The following GRID1 variants were observed in gnomAD, a reference collection of about 807,000 sequenced individuals.
GRID1 encodes glutamate ionotropic receptor delta type subunit 1.
In GRID1, 28 loss-of-function variants were observed where a neutral mutation model predicts 98.0. The ratio of observed to expected loss-of-function variants is 0.29; its 90% CI spans 0.21 to 0.39. The LOEUF (loss-of-function observed/expected upper bound fraction) is 0.39, where lower values mean the gene tolerates loss of function less well. Ranked by LOEUF, GRID1 falls within the 10% of genes least tolerant of loss-of-function variation. GRID1 has a pLI of 1.00. For missense variants in GRID1, 1,111 were observed against 1,340.5 expected, an observed-to-expected ratio of 0.83 and a Z score of 2.67; for synonymous variants, 553 against 538.5, an observed-to-expected ratio of 1.03 and a Z score of -0.37.
At chr10:85,621,260 G>A (rs1032580433) in intron 13 of GRID1, among the ~76,000 whole-genome samples, 2 of 152,106 alleles carry the variant, frequency 1.3e-5, no homozygotes, top group Non-Finnish European at 2.9e-5. Context: ...ACCAGATGAT[G>A]GGGGCCTCAT....
At chr10:85,703,936 A>AAG (rs1246576428) in intron 12 of GRID1, among the ~76,000 whole-genome samples, 1 of 152,030 alleles carries the variant, frequency 6.6e-6, no homozygotes, top group African/African-American at 2.4e-5. Flanking sequence ...TGGTGACAAA[A>AAG]TCTCTCAGCA....
intron 4 of GRID1, among the ~76,000 whole-genome samples, chr10:86,037,466 CA>C (rs1207888353): frequency 6.6e-6 from 1 of 152,170 alleles, no homozygotes; most frequent in Non-Finnish European, 1.5e-5. Flanking sequence ...CTACTTTATG[CA>C]AAGTGTTTAG....
intron 2 of GRID1, among the ~76,000 whole-genome samples, chr10:86,257,384 A>C (rs1171135489): frequency 6.6e-6 from 1 of 152,236 alleles, no homozygotes; most frequent in Non-Finnish European, 1.5e-5. Context: ...TGTGGGATAC[A>C]AAAAGATCTG....
intron 13 of GRID1, among the ~76,000 whole-genome samples, chr10:85,625,024 T>C (rs1278735221): frequency 2.0e-5 from 3 of 152,222 alleles, no homozygotes; most frequent in Admixed American, 6.5e-5. Flanking sequence ...TATATATGAA[T>C]ACTTAAGGAA....
chr10:85,648,716 C>T (rs1414625475), intron 12 of GRID1, among the ~76,000 whole-genome samples: 1 of 152,234 alleles, frequency 6.6e-6, no homozygotes, highest in East Asian at 1.9e-4. Context: ...TTATCTCCCT[C>T]CTCTAACAAC....
At chr10:85,961,061 C>T (rs1323458881) in intron 4 of GRID1, among the ~76,000 whole-genome samples, 1 of 152,038 alleles carries the variant, frequency 6.6e-6, no homozygotes, top group Admixed American at 6.6e-5. Flanking sequence ...TCTCAGGAGT[C>T]TCAGAAGTGG....
intron 8 of GRID1, among the ~76,000 whole-genome samples, chr10:85,774,563 C>T (rs1378796063): frequency 2.6e-5 from 4 of 151,772 alleles, no homozygotes; most frequent in South Asian, 4.2e-4. Flanking sequence ...AGAAAATTTT[C>T]GCAACCTACT....
At chr10:85,923,985 G>GAGTA (rs1470406374) in intron 4 of GRID1, among the ~76,000 whole-genome samples, 1 of 152,078 alleles carries the variant, frequency 6.6e-6, no homozygotes, top group Non-Finnish European at 1.5e-5. Context: ...TGCATATGGG[G>GAGTA]AGTAGCCTCT....
intron 8 of GRID1, among the ~76,000 whole-genome samples, chr10:85,842,334 G>A (rs1219882366): frequency 6.6e-6 from 1 of 152,094 alleles, no homozygotes; most frequent in African/African-American, 2.4e-5. Flanking sequence ...AGGATGGGAT[G>A]AGGGAGAAGA....
intron 4 of GRID1, among the ~76,000 whole-genome samples, chr10:86,128,049 C>A (rs1028708116): frequency 6.6e-6 from 1 of 152,126 alleles, no homozygotes; most frequent in Non-Finnish European, 1.5e-5. Context: ...AAGAGTTGGG[C>A]TCTGATTCTG....
Position 86,348,828 on chromosome 10 carries a change from A to T in GRID1, c.235+15113T>A, listed in dbSNP as rs543417662. ...AGACCTCGCTGTCCTGCCTTTAACAATGTTAATTTTCTTGGCAGGAGCTAA... is the reference window on the plus strand; with the variant it reads ...AGACCTCGCTGTCCTGCCTTTAACATTGTTAATTTTCTTGGCAGGAGCTAA... On this transcript the variant is annotated intron_variant, in intron 2 of 15. Coordinates refer to ENST00000327946, the MANE Select transcript of GRID1 (RefSeq NM_017551.3). Among the ~76,000 whole-genome samples the T allele has an allele frequency of 2.0e-4, 31 of 152,346 alleles. No individual in the cohort carries two copies. In the South Asian group the frequency reaches 6.2e-3, roughly 31 times the overall value.
intron 2 of GRID1, among the ~76,000 whole-genome samples, chr10:86,298,720 C>T (rs2132080011): frequency 6.6e-6 from 1 of 152,326 alleles, no homozygotes; most frequent in Middle Eastern, 3.4e-3. Context: ...CCCTACGGCA[C>T]CTGCAACTCT....
intron 12 of GRID1, among the ~76,000 whole-genome samples, chr10:85,658,791 A>T (rs1298533246): frequency 1.3e-5 from 2 of 152,154 alleles, no homozygotes; most frequent in African/African-American, 4.8e-5. Flanking sequence ...AGAGAGAAAT[A>T]AAAAAATGTT....
At chr10:86,282,572 T>C (rs904166031) in intron 2 of GRID1, among the ~76,000 whole-genome samples, 8 of 152,096 alleles carry the variant, frequency 5.3e-5, no homozygotes, top group African/African-American at 1.2e-4. Context: ...TGGAGCAAGT[T>C]TGCATGTAAG....
At chr10:85,625,536 G>A (rs1189435518) in intron 13 of GRID1, among the ~76,000 whole-genome samples, 1 of 152,198 alleles carries the variant, frequency 6.6e-6, no homozygotes, top group African/African-American at 2.4e-5. Context: ...CTTGGCATGA[G>A]AAAAAGTCAA....
intron 8 of GRID1, among the ~76,000 whole-genome samples, chr10:85,737,479 G>T (rs574300267): frequency 6.6e-6 from 1 of 151,526 alleles, no homozygotes; most frequent in Non-Finnish European, 1.5e-5. Flanking sequence ...AGGCCACAAT[G>T]GTCTCAGTGG....
At chr10:86,044,962 C>A (rs890671865) in intron 4 of GRID1, among the ~76,000 whole-genome samples, 1 of 152,216 alleles carries the variant, frequency 6.6e-6, no homozygotes, top group African/African-American at 2.4e-5. Flanking sequence ...CATATTCATT[C>A]CTCAGATGTT....
At chr10:86,000,439 T>C (rs1044185450) in intron 4 of GRID1, among the ~76,000 whole-genome samples, 7 of 152,112 alleles carry the variant, frequency 4.6e-5, no homozygotes, top group Non-Finnish European at 8.8e-5. Context: ...ATTTCCAACA[T>C]ACATATGGAA....
chr10:85,628,674 C>A (rs780212409), intron 13 of GRID1, among the ~76,000 whole-genome samples: 1 of 152,148 alleles, frequency 6.6e-6, no homozygotes, highest in East Asian at 1.9e-4. Flanking sequence ...AAGGTAAAGA[C>A]TTTTTATCCA....
Sources: allele counts gnomAD v4.1 joint callset (sites outside exome capture counted in the v4.1 genomes callset), GRCh38; gene constraint gnomAD v4.1.1; transcripts MANE v1.5; gene names NCBI Gene and HGNC (gene_info 2026-07-23, HGNC 2026-07-21).